GCNT2: variants seen among roughly 807,000 people sequenced by gnomAD.
GCNT2 encodes the protein N-acetyllactosaminide beta-1,6-N-acetylglucosaminyl-transferase.
In GCNT2, 34 loss-of-function variants were observed where a neutral mutation model predicts 34.2. The ratio of observed to expected loss-of-function variants is 1.00; its 90% CI spans 0.76 to 1.32. The LOEUF (loss-of-function observed/expected upper bound fraction) is 1.32, where lower values mean the gene tolerates loss of function less well. Ranked by LOEUF, GCNT2 falls within the 40% of genes most tolerant of loss-of-function variation. GCNT2 has a pLI of 0.00. For synonymous variants in GCNT2, 212 were observed against 188.0 expected, an observed-to-expected ratio of 1.13 and a Z score of -1.04; for missense variants, 584 against 489.4, an observed-to-expected ratio of 1.19 and a Z score of -1.82.
intron 3 of GCNT2, among the ~76,000 whole-genome samples, chr6:10,532,217 C>A (rs186432382): frequency 1.5e-4 from 23 of 152,226 alleles, no homozygotes; most frequent in Admixed American, 9.2e-4. Flanking sequence ...GGGGACTCAA[C>A]AGAAACTTAA....
intron 3 of GCNT2, among the ~76,000 whole-genome samples, chr6:10,564,890 G>C (rs909320850): frequency 1.3e-5 from 2 of 152,164 alleles, no homozygotes; most frequent in Admixed American, 1.3e-4. Context: ...ATACATTTTA[G>C]AAGGAAGAGA....
At chr6:10,550,496 T>G (rs143207159) in intron 3 of GCNT2, among the ~76,000 whole-genome samples, 147 of 152,178 alleles carry the variant, frequency 9.7e-4, no homozygotes, top group Non-Finnish European at 8.4e-4. Flanking sequence ...TGCAAATTAT[T>G]ATTATTATTA....
At chr6:10,570,416 C>G (rs921859660) in intron 3 of GCNT2, among the ~76,000 whole-genome samples, 4 of 152,214 alleles carry the variant, frequency 2.6e-5, no homozygotes, top group African/African-American at 9.6e-5. Flanking sequence ...CTCCCATAAT[C>G]TTCCTCCTCA....
At chr6:10,540,972 C>T (rs1762012703) in intron 3 of GCNT2, among the ~76,000 whole-genome samples, 1 of 152,108 alleles carries the variant, frequency 6.6e-6, no homozygotes, top group Non-Finnish European at 1.5e-5. Context: ...ATCAATTACC[C>T]TCCATCCGTT....
At chr6:10,564,737 A>C (rs1457820346) in intron 3 of GCNT2, among the ~76,000 whole-genome samples, 2 of 152,212 alleles carry the variant, frequency 1.3e-5, no homozygotes, top group East Asian at 3.8e-4. Context: ...CAAATATGTA[A>C]GGTCTAAATG....
chr6:10,604,176 C>T (rs536482270), intron 3 of GCNT2, among the ~76,000 whole-genome samples: 66 of 152,190 alleles, frequency 4.3e-4, no homozygotes, highest in Admixed American at 2.7e-3. Flanking sequence ...GGATTACAGA[C>T]GTGAGCCACC....
intron 3 of GCNT2, chr6:10,585,974 C>T (rs762987325): frequency 8.7e-6 from 14 of 1,613,302 alleles, no homozygotes; most frequent in Admixed American, 3.3e-5. Flanking sequence ...ATTGTTTCCC[C>T]AGGGAAGTGA....
At chr6:10,536,187 G>C (rs1761742039) in intron 3 of GCNT2, among the ~76,000 whole-genome samples, 1 of 152,136 alleles carries the variant, frequency 6.6e-6, no homozygotes, top group Non-Finnish European at 1.5e-5. Context: ...GGATCTTACT[G>C]TGTGCAGAGG....
At chr6:10,598,918 A>G (rs183900300) in intron 3 of GCNT2, among the ~76,000 whole-genome samples, 2 of 152,342 alleles carry the variant, frequency 1.3e-5, no homozygotes, top group East Asian at 1.9e-4. Flanking sequence ...AATGAAATGT[A>G]TGAATACATA....
chr6:10,608,519 C>A (rs897221529), intron 3 of GCNT2, among the ~76,000 whole-genome samples: 10 of 152,146 alleles, frequency 6.6e-5, no homozygotes, highest in African/African-American at 2.4e-5. Flanking sequence ...TTTTCTAAAT[C>A]TTTGCGAGCT....
intron 4 of GCNT2, among the ~76,000 whole-genome samples, chr6:10,622,620 G>A (rs1182359404): frequency 1.3e-5 from 2 of 151,624 alleles, no homozygotes; most frequent in African/African-American, 4.8e-5. Context: ...TCCATAATAT[G>A]CAATAAATAT....
chr6:10,545,361 G>C (rs372975986), intron 3 of GCNT2, among the ~76,000 whole-genome samples: 5 of 151,916 alleles, frequency 3.3e-5, no homozygotes, highest in Non-Finnish European at 7.4e-5. Context: ...TTGGAGTTTT[G>C]TTTAAATCCA....
At chr6:10,590,200 C>G (rs771001437) in intron 3 of GCNT2, among the ~76,000 whole-genome samples, 46 of 152,072 alleles carry the variant, frequency 3.0e-4, no homozygotes, top group Admixed American at 8.5e-4. Flanking sequence ...GAGTTTCAGT[C>G]CAGCCTGGGC....
intron 3 of GCNT2, among the ~76,000 whole-genome samples, chr6:10,598,493 G>A (rs1764951346): frequency 6.6e-6 from 1 of 152,148 alleles, no homozygotes; most frequent in South Asian, 2.1e-4. Flanking sequence ...CACGGTCACT[G>A]TGTCCACATC....
intron 3 of GCNT2, among the ~76,000 whole-genome samples, chr6:10,611,519 C>T (rs954625906): frequency 2.0e-5 from 3 of 151,732 alleles, no homozygotes; most frequent in African/African-American, 7.3e-5. Flanking sequence ...TTAGTAGAGA[C>T]GGGGTTTCAC....
intron 3 of GCNT2, among the ~76,000 whole-genome samples, chr6:10,598,022 T>A (rs992879743): frequency 6.6e-5 from 10 of 152,226 alleles, no homozygotes; most frequent in African/African-American, 2.4e-4. Context: ...TGTCTGTAGA[T>A]AACTGTTTGG....
intron 3 of GCNT2, among the ~76,000 whole-genome samples, chr6:10,569,271 A>ACACACACACACACACACACCCC (rs1561806901): frequency 2.1e-5 from 3 of 142,354 alleles, no homozygotes; most frequent in African/African-American, 8.0e-5. Context: ...ACACACACAC[A>ACACACACACACACACACACCCC]CACCCCCTAG....
In GCNT2 at chr6:10,529,422, C is replaced by T; in HGVS notation, c.511C>T (p.Leu171=). 3.1e-6 allele frequency: 5 copies of T among 1,614,132 alleles called. No individual in the cohort carries two copies. Among genetic ancestry groups the T allele is most frequent in the Non-Finnish European group, 4.2e-6 (5 of 1,180,010 alleles). ...GGGGATCTCCAGGCTCCAGGCTGAC[C>T]TGAACTGCCTGGAAGACCTTGTGGC... ...YGGISRLQAD[L]NCLEDLVASE... Residue 171 remains leucine, a synonymous_variant, in exon 3 of 5, where the codon CTG becomes TTG. Coordinates refer to ENST00000495262, the MANE Select transcript of GCNT2 (RefSeq NM_145649.5).
chr6:10,599,087 G>T (rs9466912), intron 3 of GCNT2, among the ~76,000 whole-genome samples: 1 of 152,082 alleles, frequency 6.6e-6, no homozygotes, highest in African/African-American at 2.4e-5. Flanking sequence ...ATTACAAAGG[G>T]TCTGGAAGAT....
Sources: allele counts gnomAD v4.1 joint callset (sites outside exome capture counted in the v4.1 genomes callset), GRCh38; gene constraint gnomAD v4.1.1; transcripts MANE v1.5; gene names NCBI Gene and HGNC (gene_info 2026-07-23, HGNC 2026-07-21).